DNAH9: variants seen among roughly 807,000 people sequenced by gnomAD.
The protein encoded by DNAH9 is dynein axonemal heavy chain 9, also known as DNAH9 variant protein.
Under a neutral mutation model 471.6 loss-of-function variants are expected in DNAH9, and 345 were observed. That is an observed-to-expected ratio of 0.73 (90% CI 0.67 to 0.80). The LOEUF (loss-of-function observed/expected upper bound fraction) is 0.80, where lower values mean the gene tolerates loss of function less well. Ranked by LOEUF, DNAH9 falls within the 30% of genes least tolerant of loss-of-function variation. The pLI, the probability that DNAH9 is intolerant of heterozygous loss-of-function variation, is 0.00. For missense variants in DNAH9, 5,407 were observed against 5,609.2 expected (o/e 0.96, Z 1.15); for synonymous variants, 2,093 against 2,123.6 (o/e 0.99, Z 0.40).
At chr17:11,790,835 A>G (rs571252353) in intron 41 of DNAH9, among the ~76,000 whole-genome samples, 2 of 152,252 alleles carry the variant, frequency 1.3e-5, no homozygotes, top group African/African-American at 2.4e-5. Context: ...TCTAATGGTT[A>G]CCAAAAGCAT....
chr17:11,969,189 G>A lies in DNAH9; in HGVS notation c.13234-111G>A, dbSNP rs917278322. 111 of 899,722 alleles carry A rather than the reference G, an allele frequency of 1.2e-4. No homozygotes were observed. The African/African-American group carries it at 1.7e-3, about 14-fold the overall frequency. 55.7% of individuals were successfully genotyped at this position (899,722 alleles called of 1,614,324 possible). On this transcript the variant is annotated intron_variant, in intron 68 of 68. Coordinates refer to ENST00000262442, the MANE Select transcript of DNAH9 (RefSeq NM_001372.4). ...AACCTGGAAGGGGGCAGGCATAAAGGCAGCCATGTCAGTCCAGTCTTTCCT... is the reference window on the plus strand; with the variant it reads ...AACCTGGAAGGGGGCAGGCATAAAGACAGCCATGTCAGTCCAGTCTTTCCT...
At chr17:11,855,275 A>G (rs1465395689) in intron 50 of DNAH9, among the ~76,000 whole-genome samples, 1 of 152,214 alleles carries the variant, frequency 6.6e-6, no homozygotes, top group Non-Finnish European at 1.5e-5. Flanking sequence ...TGAGTGCTCC[A>G]AAGTAAAACG....
intron 22 of DNAH9, among the ~76,000 whole-genome samples, chr17:11,694,689 G>T (rs7208428): frequency 0.032 from 54 of 1,694 alleles, 6 homozygotes; most frequent in Admixed American, 0.05. Flanking sequence ...TCGCTTTCTC[G>T]CTTTCTCGCT....
intron 53 of DNAH9, among the ~76,000 whole-genome samples, chr17:11,878,533 A>G (rs1443587170): frequency 1.3e-5 from 2 of 150,816 alleles, no homozygotes; most frequent in Non-Finnish European, 2.9e-5. Flanking sequence ...CTACATTTTT[A>G]GTTTTTAGTT....
chr17:11,756,647 C>G lies in DNAH9; in HGVS notation c.6818C>G (p.Thr2273Arg). 1 of 1,612,220 alleles carries G rather than the reference C, an allele frequency of 6.2e-7. No individual in the cohort carries two copies. ...KLLFEISHLR[T>R]ATPATVSRAG... ...CTCTTTGAGATCAGCCACCTGCGCA[C>G]AGCCACTCCAGCAACTGTCTCTAGA... Residue 2273 changes from threonine to arginine, a missense_variant, in exon 34 of 69, where the codon ACA (threonine) becomes AGA (arginine). This residue lies in a region of DNAH9 where 4,636 missense variants were observed against 4,900.3 expected (regional missense o/e 0.95). Transcript: ENST00000262442.
intron 27 of DNAH9, among the ~76,000 whole-genome samples, chr17:11,726,113 T>A (rs190361759): frequency 3.3e-5 from 5 of 152,246 alleles, no homozygotes; most frequent in African/African-American, 1.2e-4. Context: ...TTCCATAATC[T>A]TCCTCCTCCT....
At chr17:11,929,220 G>C (rs1443725730) in intron 62 of DNAH9, among the ~76,000 whole-genome samples, 26 of 151,788 alleles carry the variant, frequency 1.7e-4, no homozygotes, top group African/African-American at 7.3e-5. Context: ...ATTTTTAGTA[G>C]AGACGGGGTT....
chr17:11,689,857 C>A lies in DNAH9; in HGVS notation c.4035C>A (p.Asn1345Lys), dbSNP rs1359396610. 5.6e-6 allele frequency: 9 copies of A among 1,611,392 alleles called. No individual in the cohort carries two copies. The highest frequency in any genetic ancestry group is 7.6e-6 in the Non-Finnish European group (9 of 1,178,478). The change falls in exon 20 of 69, where the codon AAC (asparagine) becomes AAA (lysine). Residue 1345 changes from asparagine to lysine, a missense_variant. Asn to Lys is a moderately conservative substitution (Grantham distance 94, BLOSUM62 0). Transcript: ENST00000262442. ...AACAGTTTGCCCGGCATATCCGAAA[C>A]CTGGACAAGGAGGTCAGGGCCTGGG... ...ECKQFARHIRNLDKEVRAWDA... is the reference protein window; with the variant it reads ...ECKQFARHIRKLDKEVRAWDA...
At chr17:11,940,149 G>C (rs1173008998) in intron 66 of DNAH9, among the ~76,000 whole-genome samples, 1 of 152,246 alleles carries the variant, frequency 6.6e-6, no homozygotes, top group East Asian at 1.9e-4. Context: ...GAAGAAAGCA[G>C]AAGTGTTTGT....
rs749407755 is a variant in DNAH9, at chr17:11,652,830, A to G, written c.2423A>G (p.Lys808Arg). ...HDLEQRIQKTKDNVEEIQNIM... is the reference protein window; with the variant it reads ...HDLEQRIQKTRDNVEEIQNIM... ...CTTGAACAAAGAATTCAGAAAACTA[A>G]AGACAATGTGGAAGAGATCCAAAAC... The change falls in exon 14 of 69, where the codon AAA becomes AGA. Residue 808 changes from lysine (K) to arginine (R), a missense_variant. By Grantham distance (26) the Lys-to-Arg change is conservative. Transcript: ENST00000262442. 2.5e-6 allele frequency: 4 copies of G among 1,613,918 alleles called. No homozygotes were observed. The highest frequency in any genetic ancestry group is 3.4e-6 in the Non-Finnish European group (4 of 1,179,764).
At position 11,942,474 on chromosome 17, in the gene DNAH9, C is replaced by G. The variant is rs754381795; in HGVS notation, c.12832C>G (p.Leu4278Val). 137 of 1,613,806 alleles carry G rather than the reference C, an allele frequency of 8.5e-5. No homozygotes were observed. Among genetic ancestry groups the G allele is most frequent in the Non-Finnish European group, 1.2e-4 (136 of 1,179,946 alleles). ...EIQRSLRELE[L>V]GLKGELTMTS... ...TCAGCGCTCACTGAGGGAGCTGGAG[C>G]TCGGCTTAAAGGTGAGCGCGGTCTT... The change falls in exon 67 of 69, where the codon CTC becomes GTC. Residue 4278 changes from leucine (L) to valine (V), a missense_variant. By Grantham distance (32) the Leu-to-Val change is conservative. Around this residue, in one of 3 missense-constraint regions of DNAH9, gnomAD observed 4,636 missense variants for 4,900.3 expected, o/e 0.95. Coordinates refer to ENST00000262442, the MANE Select transcript of DNAH9 (RefSeq NM_001372.4).
chr17:11,969,620 C>A lies in DNAH9; in HGVS notation c.*93C>A. 3.9e-6 allele frequency: 4 copies of A among 1,021,954 alleles called. No individual in the cohort carries two copies. Among genetic ancestry groups the A allele is most frequent in the Non-Finnish European group, 5.6e-6 (4 of 718,142 alleles). The allele number at this position is 1,021,954 out of a possible 1,614,324, so 63.3% of individuals were successfully genotyped here. A position where few individuals can be genotyped will look rare whatever the true frequency, so the allele number is the denominator to read the frequency against. On this transcript the variant is annotated 3_prime_UTR_variant, in exon 69 of 69. Transcript: ENST00000262442. Reference sequence around the variant, plus strand: ...GAAGGGTCACCACAGACACTTAGAACGGTAAGAAACCATGAGCACTCACAA... The same window carrying A: ...GAAGGGTCACCACAGACACTTAGAAAGGTAAGAAACCATGAGCACTCACAA...
chr17:11,868,902 T>C (rs1296589409), intron 50 of DNAH9, among the ~76,000 whole-genome samples: 1 of 152,132 alleles, frequency 6.6e-6, no homozygotes, highest in Non-Finnish European at 1.5e-5. Context: ...TTTCTGGATG[T>C]CCACTCCACC....
intron 67 of DNAH9, among the ~76,000 whole-genome samples, chr17:11,950,501 A>T (rs1975324855): frequency 6.6e-6 from 1 of 152,086 alleles, no homozygotes; most frequent in African/African-American, 2.4e-5. Context: ...GCGTAGCTGG[A>T]ACTACAGGTG....
chr17:11,598,605 T>G lies in DNAH9; in HGVS notation c.107T>G (p.Leu36Arg). 2 of 1,340,386 alleles carry G rather than the reference T, an allele frequency of 1.5e-6. No homozygotes were observed. The highest frequency in any genetic ancestry group is 1.9e-6 in the Non-Finnish European group (2 of 1,049,304). The allele number at this position is 1,340,386 out of a possible 1,614,324, so 83.0% of individuals were successfully genotyped here. Residue 36 changes from leucine (L) to arginine (R), a missense_variant, in exon 1 of 69, where the codon CTG (leucine) becomes CGG (arginine). Around this residue, in one of 3 missense-constraint regions of DNAH9, gnomAD observed 767 missense variants for 692.5 expected, o/e 1.11. Transcript: ENST00000262442. ...RLLGTYVAMS[L>R]RPAAGAWERC... ...CTGGGGACCTACGTGGCCATGAGCC[T>G]GCGGCCGGCTGCGGGCGCCTGGGAG...
Position 11,930,021 on chromosome 17 carries a change from C to G in DNAH9, c.12033C>G (p.Ser4011=), listed in dbSNP as rs770211248. ...HIIPQGILEN[S]IKITNEPPTG... is the part of the protein sequence containing the mutation. The stretch of plus-strand genomic sequence containing the variant: ...TCCCCCAGGGCATCCTGGAGAACTC[C>G]ATTAAGATCACCAATGAGCCCCCCA... The change falls in exon 63 of 69, where the codon TCC becomes TCG. Residue 4011 remains serine, a synonymous_variant. Transcript: ENST00000262442. 5 of 1,614,014 alleles carry G rather than the reference C, an allele frequency of 3.1e-6. No homozygotes were observed. The Admixed American group carries it at 6.7e-5, about 22-fold the overall frequency.
At chr17:11,798,919 C>T (rs1969353528) in intron 43 of DNAH9, among the ~76,000 whole-genome samples, 1 of 152,120 alleles carries the variant, frequency 6.6e-6, no homozygotes, top group African/African-American at 2.4e-5. Flanking sequence ...CCTTCAAAAC[C>T]CCAGTTCTTT....
chr17:11,929,951 T>C lies in DNAH9; in HGVS notation c.11963T>C (p.Val3988Ala). The C allele has an allele frequency of 6.2e-7, 1 of 1,613,692 alleles. No homozygotes were observed. The highest frequency in any genetic ancestry group is 8.5e-7 in the Non-Finnish European group (1 of 1,179,918). ...GAGAACAGCCACCCAGAGTTCAGGGTCTTCATGAGTGCAGAGCCAGCACCC... is the reference window on the plus strand; with the variant it reads ...GAGAACAGCCACCCAGAGTTCAGGGCCTTCATGAGTGCAGAGCCAGCACCC... ...HSENSHPEFR[V>A]FMSAEPAPSP... Residue 3988 changes from valine (V) to alanine (A), a missense_variant, in exon 63 of 69, where the codon GTC becomes GCC. This residue lies in a region of DNAH9 where 4,636 missense variants were observed against 4,900.3 expected (regional missense o/e 0.95). Coordinates refer to ENST00000262442, the MANE Select transcript of DNAH9 (RefSeq NM_001372.4).
rs181219305 is a variant in DNAH9, at chr17:11,647,537, A to G, written c.2097+339A>G. ...ACATTTTTCACTAGGGTTGCTCAAT[A>G]TATTTGCTTCAATTTTGCACAACAG... On this transcript the variant is annotated intron_variant, in intron 12 of 68. Transcript: ENST00000262442. Among the ~76,000 whole-genome samples the G allele has an allele frequency of 8.5e-4, 129 of 152,264 alleles. 1 individual carries two copies. The highest frequency in any genetic ancestry group is 1.6e-3 in the Non-Finnish European group (109 of 68,018).
Sources: allele counts gnomAD v4.1 joint callset (sites outside exome capture counted in the v4.1 genomes callset), GRCh38; gene constraint gnomAD v4.1.1; regional missense constraint gnomAD v4.1.1; transcripts MANE v1.5; gene names NCBI Gene and HGNC (gene_info 2026-07-23, HGNC 2026-07-21).